Variants in GRM8 observed in about 807,000 individuals in gnomAD.
GRM8 encodes the protein glutamate metabotropic receptor 8, also known as metabotropic glutamate receptor 8.
Under a neutral mutation model 87.2 loss-of-function variants are expected in GRM8, and 47 were observed. The observed-to-expected ratio is 0.54, with a 90% confidence interval of 0.43 to 0.69. The LOEUF (loss-of-function observed/expected upper bound fraction) is 0.69, where lower values mean the gene tolerates loss of function less well. Among genes scored for constraint, GRM8 ranks in the 30% least tolerant of loss-of-function variants. GRM8 has a pLI of 0.00. For synonymous variants in GRM8, 396 were observed against 404.5 expected, an observed-to-expected ratio of 0.98 and a Z score of 0.25; for missense variants, 1,019 against 1,139.2, an observed-to-expected ratio of 0.89 and a Z score of 1.52.
intron 9 of GRM8, among the ~76,000 whole-genome samples, chr7:126,492,399 A>T (rs1208132044): frequency 6.6e-6 from 1 of 152,028 alleles, no homozygotes. Context: ...TTTTTACATT[A>T]TCTTAATTTA....
chr7:126,695,921 G>A (rs1340310455), intron 7 of GRM8, among the ~76,000 whole-genome samples: 1 of 152,112 alleles, frequency 6.6e-6, no homozygotes, highest in Non-Finnish European at 1.5e-5. Flanking sequence ...GAGTGTTTCT[G>A]AAGAAAGATA....
chr7:126,828,585 T>G (rs1002394054), intron 6 of GRM8, among the ~76,000 whole-genome samples: 1 of 152,212 alleles, frequency 6.6e-6, no homozygotes, highest in African/African-American at 2.4e-5. Context: ...TTATTGCATC[T>G]ATTTGATTCT....
intron 3 of GRM8, among the ~76,000 whole-genome samples, chr7:126,995,818 AG>A (rs998072927): frequency 6.6e-6 from 1 of 152,114 alleles, no homozygotes; most frequent in African/African-American, 2.4e-5. Flanking sequence ...ATAATATAAA[AG>A]AACTTCCAAA....
At chr7:126,602,147 A>G (rs1413409221) in intron 8 of GRM8, among the ~76,000 whole-genome samples, 2 of 143,902 alleles carry the variant, frequency 1.4e-5, no homozygotes, top group Non-Finnish European at 3.1e-5. Context: ...AGCTTTCTAC[A>G]TATGGCTAGC....
intron 7 of GRM8, among the ~76,000 whole-genome samples, chr7:126,738,648 A>T (rs1374385062): frequency 6.8e-6 from 1 of 146,410 alleles, no homozygotes; most frequent in African/African-American, 2.5e-5. Context: ...TCATCTGTAT[A>T]GAAGAGAAGG....
At chr7:127,175,863 G>A (rs1794076479) in intron 2 of GRM8, among the ~76,000 whole-genome samples, 2 of 152,052 alleles carry the variant, frequency 1.3e-5, no homozygotes, top group South Asian at 4.2e-4. Context: ...CATTATTTAA[G>A]GGGAATGAAA....
At chr7:126,765,952 C>T (rs1232069384) in intron 7 of GRM8, among the ~76,000 whole-genome samples, 2 of 151,962 alleles carry the variant, frequency 1.3e-5, no homozygotes, top group Non-Finnish European at 1.5e-5. Context: ...AATTAAACCA[C>T]CATTGTAGCT....
At chr7:126,879,791 C>A (rs528742659) in intron 6 of GRM8, among the ~76,000 whole-genome samples, 10 of 152,016 alleles carry the variant, frequency 6.6e-5, no homozygotes, top group African/African-American at 2.2e-4. Flanking sequence ...TATTTAAGGG[C>A]GAGTATTATA....
At chr7:126,642,404 T>C (rs946091953) in intron 7 of GRM8, among the ~76,000 whole-genome samples, 5 of 152,078 alleles carry the variant, frequency 3.3e-5, no homozygotes, top group East Asian at 1.9e-4. Context: ...TTTGGGAGGC[T>C]GAGGCGGGCA....
chr7:127,243,174 A>C lies in GRM8; in HGVS notation c.31T>G (p.Cys11Gly). ...GCGGTCAAGAGGAAGAAACAAGGGC[A>C]AGAGGCTGATCGCTTTCCCTCGCAT... The part of the protein sequence containing the change: MVCEGKRSAS[C>G]PCFFLLTAKF... Residue 11 changes from cysteine (C) to glycine (G), a missense_variant, in exon 2 of 11, where the codon TGC (cysteine) becomes GGC (glycine). Cys to Gly is a radical substitution (Grantham distance 159, BLOSUM62 -3). Transcript: ENST00000339582. 1 of 1,611,956 alleles carries C rather than the reference A, an allele frequency of 6.2e-7. No individual in the cohort carries two copies. Among genetic ancestry groups the C allele is most frequent in the Non-Finnish European group, 8.5e-7 (1 of 1,179,976 alleles).
At chr7:126,605,897 G>A (rs865957258) in intron 8 of GRM8, among the ~76,000 whole-genome samples, 8 of 152,114 alleles carry the variant, frequency 5.3e-5, no homozygotes, top group African/African-American at 1.7e-4. Flanking sequence ...GCTCCATTGC[G>A]CTAGAGTGGT....
intron 7 of GRM8, among the ~76,000 whole-genome samples, chr7:126,631,824 G>A (rs1362891176): frequency 6.6e-6 from 1 of 152,162 alleles, no homozygotes; most frequent in African/African-American, 2.4e-5. Flanking sequence ...GAACTGGCTA[G>A]CCATATGCAG....
chr7:127,221,236 A>G (rs749609232), intron 2 of GRM8, among the ~76,000 whole-genome samples: 16 of 152,174 alleles, frequency 1.1e-4, no homozygotes, highest in African/African-American at 3.6e-4. Flanking sequence ...TGACTTGCTC[A>G]AGGTCATAAA....
chr7:127,117,756 T>C (rs1387474833), intron 2 of GRM8, among the ~76,000 whole-genome samples: 1 of 152,212 alleles, frequency 6.6e-6, no homozygotes, highest in Non-Finnish European at 1.5e-5. Flanking sequence ...TAGCATTTAA[T>C]TTTCCTCTTC....
intron 8 of GRM8, among the ~76,000 whole-genome samples, chr7:126,588,843 C>A (rs1833071): frequency 0.2 from 29,715 of 152,034 alleles, 3,443 homozygotes; most frequent in East Asian, 0.31. Context: ...TGAACACACA[C>A]CCTCACTGGG....
intron 3 of GRM8, among the ~76,000 whole-genome samples, chr7:127,073,259 G>T (rs1338695014): frequency 6.6e-6 from 1 of 152,192 alleles, no homozygotes; most frequent in African/African-American, 2.4e-5. Context: ...CAGAAGGCCA[G>T]TGCCTCTGGA....
chr7:127,067,025 G>A (rs938156873), intron 3 of GRM8, among the ~76,000 whole-genome samples: 1 of 152,264 alleles, frequency 6.6e-6, no homozygotes, highest in Non-Finnish European at 1.5e-5. Context: ...ATTCTCCCCC[G>A]ACAGTCTGTG....
At chr7:127,112,837 GCAAACACCTTGACAGCC>G (rs750965989) in intron 2 of GRM8, among the ~76,000 whole-genome samples, 4 of 152,100 alleles carry the variant, frequency 2.6e-5, no homozygotes, top group Non-Finnish European at 5.9e-5. Flanking sequence ...AACTACCTTG[GCAAACACCTTGACAGCC>G]CACGGACTTC....
At chr7:126,876,424 AT>A (rs1405323510) in intron 6 of GRM8, among the ~76,000 whole-genome samples, 1 of 152,206 alleles carries the variant, frequency 6.6e-6, no homozygotes, top group Non-Finnish European at 1.5e-5. Context: ...GATTCTGTAC[AT>A]TTATCAAGTA....
Sources: gnomAD v4.1 joint callset for allele counts (sites outside exome capture counted in the v4.1 genomes callset) on GRCh38, gnomAD v4.1.1 for gene constraint, MANE v1.5 for transcripts, NCBI Gene and HGNC (gene_info 2026-07-23, HGNC 2026-07-21) for gene names.